Variants in EPM2A observed in about 807,000 individuals in gnomAD.
The protein encoded by EPM2A is laforin.
A neutral mutation model predicts 26.5 loss-of-function variants in EPM2A; 21 were observed. The ratio of observed to expected loss-of-function variants is 0.79; its 90% CI spans 0.56 to 1.14. EPM2A has a LOEUF of 1.14. EPM2A is among the 50% of genes most tolerant of loss of function. The pLI is 0.00. For synonymous variants in EPM2A, 217 were observed against 177.6 expected (o/e 1.22, Z -1.76); for missense variants, 458 against 440.8 (o/e 1.04, Z -0.35).
chr6:145,394,061 G>A (rs994938248), intron 4 of EPM2A, among the ~76,000 whole-genome samples: 2 of 152,028 alleles, frequency 1.3e-5, no homozygotes, highest in Non-Finnish European at 2.9e-5. Context: ...CTGACCTTGT[G>A]AACTGCCTGC....
chr6:145,501,682 C>G, exon 4 of EPM2A: 2 of 417,036 alleles, frequency 4.8e-6, no homozygotes, highest in Non-Finnish European at 1.0e-5. Context: ...GAAGATTGTC[C>G]CACTAATTAG....
At chr6:145,407,386 A>C (rs1778583219) in intron 4 of EPM2A, among the ~76,000 whole-genome samples, 1 of 152,160 alleles carries the variant, frequency 6.6e-6, no homozygotes, top group Non-Finnish European at 1.5e-5. Context: ...GGCCTACTTA[A>C]TTCTAGAAGA....
intron 2 of EPM2A, among the ~76,000 whole-genome samples, chr6:145,583,237 T>G (rs1781139620): frequency 6.6e-6 from 1 of 152,226 alleles, no homozygotes; most frequent in Non-Finnish European, 1.5e-5. Flanking sequence ...ACTCTGGCTT[T>G]TTGAGTTGCC....
chr6:145,705,456 G>C (rs1782169306), intron 1 of EPM2A: 1 of 406,582 alleles, frequency 2.5e-6, no homozygotes, highest in Admixed American at 2.9e-5. Context: ...TTGGGAGGCT[G>C]AGGTGGGAAG....
chr6:145,546,112 T>C (rs1251581873), intron 2 of EPM2A, among the ~76,000 whole-genome samples: 1 of 152,142 alleles, frequency 6.6e-6, no homozygotes, highest in African/African-American at 2.4e-5. Flanking sequence ...TCACTATCTG[T>C]CATCTGCAAG....
intron 2 of EPM2A, among the ~76,000 whole-genome samples, chr6:145,541,991 G>T (rs948296027): frequency 4.0e-5 from 6 of 151,660 alleles, no homozygotes; most frequent in Admixed American, 6.6e-5. Context: ...AAGAGGCAAG[G>T]CTTCTCAAAT....
intron 2 of EPM2A, among the ~76,000 whole-genome samples, chr6:145,592,446 T>C (rs911023929): frequency 2.6e-5 from 4 of 152,152 alleles, no homozygotes; most frequent in Non-Finnish European, 5.9e-5. Flanking sequence ...GTCTTTGCTA[T>C]TGTGAATAGT....
chr6:145,468,618 T>C (rs1340467401), intron 4 of EPM2A, among the ~76,000 whole-genome samples: 1 of 106,982 alleles, frequency 9.3e-6, no homozygotes, highest in Non-Finnish European at 1.9e-5. Flanking sequence ...TCTCATCATA[T>C]ACAAAAATCA....
chr6:145,393,139 G>A (rs1408703355), intron 4 of EPM2A, among the ~76,000 whole-genome samples: 1 of 152,058 alleles, frequency 6.6e-6, no homozygotes, highest in Non-Finnish European at 1.5e-5. Flanking sequence ...GTTAAGCCAT[G>A]ATTCTGGCTG....
intron 4 of EPM2A, among the ~76,000 whole-genome samples, chr6:145,408,522 T>G (rs967499096): frequency 6.6e-6 from 1 of 152,188 alleles, no homozygotes; most frequent in Non-Finnish European, 1.5e-5. Context: ...GGTTCTCTCC[T>G]CTTTCTGCAC....
intron 2 of EPM2A, chr6:145,670,379 G>A (rs1779555352): frequency 6.6e-6 from 1 of 152,052 alleles, no homozygotes; most frequent in Non-Finnish European, 1.5e-5. Flanking sequence ...TACAACCTGA[G>A]ATCTAGCAGT....
intron 2 of EPM2A, among the ~76,000 whole-genome samples, chr6:145,613,039 A>G (rs1436903662): frequency 1.3e-5 from 2 of 152,084 alleles, no homozygotes; most frequent in Admixed American, 1.3e-4. Flanking sequence ...ATGCTGTTTG[A>G]TCACATTTTA....
At chr6:145,681,239 GTTTGT>G (rs1270684491) in intron 2 of EPM2A, among the ~76,000 whole-genome samples, 1 of 94,234 alleles carries the variant, frequency 1.1e-5, no homozygotes, top group Non-Finnish European at 2.4e-5. Flanking sequence ...TGATGGGGTT[GTTTGT>G]TTTTTTCTTG....
intron 4 of EPM2A, among the ~76,000 whole-genome samples, chr6:145,390,975 T>C (rs778843231): frequency 6.6e-6 from 1 of 152,104 alleles, no homozygotes; most frequent in Non-Finnish European, 1.5e-5. Context: ...GAGTTGGTGA[T>C]GTGTGGCTTA....
intron 2 of EPM2A, among the ~76,000 whole-genome samples, chr6:145,577,341 A>G (rs935762760): frequency 4.0e-5 from 2 of 50,300 alleles, no homozygotes; most frequent in Non-Finnish European, 8.3e-5. Flanking sequence ...AAGGAATGGA[A>G]AAAAAAAACT....
intron 2 of EPM2A, among the ~76,000 whole-genome samples, chr6:145,557,336 C>A (rs1261772176): frequency 6.6e-6 from 1 of 151,948 alleles, no homozygotes; most frequent in African/African-American, 2.4e-5. Context: ...ACTAAAAGAC[C>A]AGACCACCAC....
chr6:145,551,893 A>C (rs529439072), intron 2 of EPM2A, among the ~76,000 whole-genome samples: 1 of 152,054 alleles, frequency 6.6e-6, no homozygotes, highest in East Asian at 1.9e-4. Context: ...ACTTGGAAGC[A>C]TGAACAAAGA....
chr6:145,517,952 T>G (rs549590295), intron 2 of EPM2A, among the ~76,000 whole-genome samples: 2 of 152,270 alleles, frequency 1.3e-5, no homozygotes, highest in South Asian at 4.1e-4. Flanking sequence ...AAAAAAAAAT[T>G]TTATCCTTCA....
intron 1 of EPM2A, among the ~76,000 whole-genome samples, chr6:145,733,095 T>C (rs1319502254): frequency 6.6e-6 from 1 of 152,114 alleles, no homozygotes; most frequent in Non-Finnish European, 1.5e-5. Context: ...CTGTAACAAT[T>C]AGAAAATAGA....
Sources: allele counts gnomAD v4.1 joint callset (sites outside exome capture counted in the v4.1 genomes callset), GRCh38; gene constraint gnomAD v4.1.1; transcripts MANE v1.5; gene names NCBI Gene and HGNC (gene_info 2026-07-23, HGNC 2026-07-21).